ANTXR1: variants seen among roughly 807,000 people sequenced by gnomAD.
The protein encoded by ANTXR1 is anthrax toxin receptor 1.
A neutral mutation model predicts 78.1 loss-of-function variants in ANTXR1; 19 were observed. The observed-to-expected ratio is 0.24, with a 90% CI of 0.17 to 0.36. The LOEUF is 0.36. ANTXR1 is among the 10% of genes least tolerant of loss of function. The pLI is 1.00. For synonymous variants in ANTXR1, 273 were observed against 260.5 expected, an observed-to-expected ratio of 1.05 and a Z score of -0.46; for missense variants, 518 against 718.6, an observed-to-expected ratio of 0.72 and a Z score of 3.19.
chr2:69,211,547 T>C (rs1028539684), intron 17 of ANTXR1, among the ~76,000 whole-genome samples: 2 of 152,268 alleles, frequency 1.3e-5, no homozygotes, highest in African/African-American at 4.8e-5. Flanking sequence ...CAGCTGTTCA[T>C]AGGTGTCAAA....
chr2:69,202,791 G>A (rs774357054), intron 17 of ANTXR1, among the ~76,000 whole-genome samples: 16 of 152,268 alleles, frequency 1.1e-4, no homozygotes, highest in Non-Finnish European at 1.9e-4. Context: ...CCACACCTTG[G>A]GAACCCCATT....
rs950762261 is a variant in ANTXR1 at position 69,013,960 on chromosome 2, C to T, written c.152+309C>T. Among the ~76,000 whole-genome samples, 4 of 152,256 alleles carry T rather than the reference C, an allele frequency of 2.6e-5. No individual in the cohort carries two copies. Among genetic ancestry groups the T allele is most frequent in the African/African-American group, 9.6e-5 (4 of 41,468 alleles). The stretch of plus-strand genomic sequence containing the variant: ...AGGATGCTATTGTCTTGCTGAGTTT[C>T]TGTGACTCCCTCCCGTGTTGGTGGG... On this transcript the variant is annotated intron_variant, in intron 1 of 17. Coordinates refer to ENST00000303714, the MANE Select transcript of ANTXR1 (RefSeq NM_032208.3). The surrounding 1 kb of genome is among the most constrained non-coding windows in gnomAD (Gnocchi z 5.0).
chr2:69,123,618 T>A (rs912437203), intron 11 of ANTXR1, among the ~76,000 whole-genome samples: 1 of 152,206 alleles, frequency 6.6e-6, no homozygotes, highest in Non-Finnish European at 1.5e-5. Context: ...CTTCCTTGAC[T>A]CTGCGCAGCA....
intron 11 of ANTXR1, among the ~76,000 whole-genome samples, chr2:69,123,299 T>G (rs7584948): frequency 0.28 from 43,282 of 152,022 alleles, 7,577 homozygotes; most frequent in African/African-American, 0.5. Flanking sequence ...ATTAACTAGG[T>G]ATTCCCACTA....
At chr2:69,234,989 TAAA>T (rs551827542) in intron 17 of ANTXR1, among the ~76,000 whole-genome samples, 18 of 67,768 alleles carry the variant, frequency 2.7e-4, no homozygotes, top group African/African-American at 7.7e-4. Context: ...ATAACATAAC[TAAA>T]AAAAAAAAAA....
At position 69,085,879 on chromosome 2, in the gene ANTXR1, G is replaced by A. The variant is rs571589068; in HGVS notation, c.643-4980G>A. 7.2e-5 allele frequency among the ~76,000 whole-genome samples: 11 copies of A among 152,286 alleles called. No individual in the cohort carries two copies. In the South Asian group the frequency reaches 1.4e-3, roughly 20 times the overall value. On this transcript the variant is annotated intron_variant, in intron 8 of 17. Coordinates refer to ENST00000303714, the MANE Select transcript of ANTXR1 (RefSeq NM_032208.3). ...CAGAGAGAGCAAGGCTAACTTAAACGTTCAGGTTTTTGTCTTAGACAACTG... is the reference window on the plus strand; with the variant it reads ...CAGAGAGAGCAAGGCTAACTTAAACATTCAGGTTTTTGTCTTAGACAACTG...
At chr2:69,044,437 A>T (rs1390191973) in intron 2 of ANTXR1, among the ~76,000 whole-genome samples, 2 of 152,180 alleles carry the variant, frequency 1.3e-5, no homozygotes, top group African/African-American at 4.8e-5. Context: ...GTTGGGACAC[A>T]CTTCAAACAG....
At chr2:69,148,804 TTGAG>T (rs1226556444) in intron 12 of ANTXR1, among the ~76,000 whole-genome samples, 1 of 152,204 alleles carries the variant, frequency 6.6e-6, no homozygotes, top group Non-Finnish European at 1.5e-5. Flanking sequence ...TATACAGCTG[TTGAG>T]TAACACGTTG....
chr2:69,121,323 C>T (rs769244829), intron 10 of ANTXR1, among the ~76,000 whole-genome samples: 45 of 152,186 alleles, frequency 3.0e-4, no homozygotes, highest in Non-Finnish European at 4.7e-4. Context: ...CCTATAAAAT[C>T]CATGAAAGCA....
intron 8 of ANTXR1, among the ~76,000 whole-genome samples, chr2:69,084,622 G>T (rs1670994291): frequency 7.0e-6 from 1 of 143,560 alleles, no homozygotes; most frequent in African/African-American, 2.6e-5. Context: ...TTAGAGATGG[G>T]GTCTTGCTAT....
chr2:69,135,580 G>C (rs1365688346), intron 12 of ANTXR1, among the ~76,000 whole-genome samples: 4 of 152,056 alleles, frequency 2.6e-5, no homozygotes, highest in African/African-American at 9.7e-5. Flanking sequence ...CCAAAAGAAA[G>C]TTAGTATAGC....
intron 12 of ANTXR1, among the ~76,000 whole-genome samples, chr2:69,140,796 C>T (rs1487212651): frequency 6.6e-6 from 1 of 152,206 alleles, no homozygotes; most frequent in African/African-American, 2.4e-5. Flanking sequence ...ACATGAACAG[C>T]CTCATTGCTT....
chr2:69,044,106 C>T (rs74691446), intron 2 of ANTXR1, among the ~76,000 whole-genome samples: 8,887 of 152,212 alleles, frequency 0.058, 295 homozygotes, highest in Admixed American at 0.11. Context: ...ATTGAGAATG[C>T]TCCTGAGCAC....
intron 3 of ANTXR1, among the ~76,000 whole-genome samples, chr2:69,067,892 C>A (rs1269497376): frequency 6.7e-6 from 1 of 149,706 alleles, no homozygotes; most frequent in Non-Finnish European, 1.5e-5. Flanking sequence ...CATTACCAAA[C>A]AACAGAGTTT....
chr2:69,013,754 T>A lies in ANTXR1; in HGVS notation c.152+103T>A. 6.5e-7 allele frequency: 1 copy of A among 1,535,084 alleles called. No individual in the cohort carries two copies. Among genetic ancestry groups the A allele is most frequent in the South Asian group, 1.2e-5 (1 of 83,458 alleles). ...AGGGTCGCCTGGGGACAGGAGCGCATCTCCAGGGCCACAGAGGGACCGCGC... is the reference window on the plus strand; with the variant it reads ...AGGGTCGCCTGGGGACAGGAGCGCAACTCCAGGGCCACAGAGGGACCGCGC... On this transcript the variant is annotated intron_variant, in intron 1 of 17. Transcript: ENST00000303714. The surrounding 1 kb of genome is among the most constrained non-coding windows in gnomAD (Gnocchi z 5.0).
intron 17 of ANTXR1, among the ~76,000 whole-genome samples, chr2:69,199,130 C>G (rs1674719836): frequency 6.6e-6 from 1 of 152,198 alleles, no homozygotes; most frequent in Non-Finnish European, 1.5e-5. Context: ...ACAGGGGATT[C>G]CTGTAGCAGA....
At chr2:69,155,846 A>G (rs947939419) in intron 13 of ANTXR1, among the ~76,000 whole-genome samples, 1 of 152,220 alleles carries the variant, frequency 6.6e-6, no homozygotes, top group Non-Finnish European at 1.5e-5. Flanking sequence ...AAATTTCAGC[A>G]GGTAGCAAGA....
intron 8 of ANTXR1, among the ~76,000 whole-genome samples, chr2:69,077,708 G>A (rs1036771385): frequency 1.3e-5 from 2 of 152,190 alleles, no homozygotes; most frequent in Non-Finnish European, 2.9e-5. Context: ...ACAATTGAAA[G>A]GGGCGCTACT....
intron 16 of ANTXR1, among the ~76,000 whole-genome samples, chr2:69,192,655 TAA>T (rs1167010872): frequency 6.6e-6 from 1 of 152,208 alleles, no homozygotes; most frequent in Non-Finnish European, 1.5e-5. Context: ...GGAATACAAA[TAA>T]AAGTCACCTG....
Sources: gnomAD v4.1 joint callset for allele counts (sites outside exome capture counted in the v4.1 genomes callset) on GRCh38, gnomAD v4.1.1 for gene constraint, Gnocchi (gnomAD v3.1) non-coding constraint, MANE v1.5 for transcripts, NCBI Gene and HGNC (gene_info 2026-07-23, HGNC 2026-07-21) for gene names.